The following USP48 variants were observed in gnomAD, a reference collection of about 807,000 sequenced individuals.
USP48 encodes the protein ubiquitin specific peptidase 48.
Under a neutral mutation model 150.7 loss-of-function variants are expected in USP48, and 43 were observed. The ratio of observed to expected loss-of-function variants is 0.29; its 90% CI spans 0.22 to 0.37. USP48 has a LOEUF of 0.37. USP48 is among the 10% of genes least tolerant of loss of function. The pLI is 1.00. For missense variants in USP48, 813 were observed against 1,249.6 expected (o/e 0.65, Z 5.27); for synonymous variants, 396 against 425.9 (o/e 0.93, Z 0.86).
intron 8 of USP48, among the ~76,000 whole-genome samples, chr1:21,736,967 G>A (rs887642945): frequency 3.9e-5 from 6 of 152,056 alleles, no homozygotes; most frequent in Non-Finnish European, 7.3e-5. Flanking sequence ...CCCAAGAATC[G>A]GCTGTTCATA....
rs762691903 is a variant in USP48, at chr1:21,680,873, G to C, written c.3059-39C>G. 3.8e-5 allele frequency: 58 copies of C among 1,519,254 alleles called. No homozygotes were observed. In the South Asian group the frequency reaches 6.6e-4, roughly 17 times the overall value. The allele number at this position is 1,519,254 out of a possible 1,614,324, so 94.1% of individuals were successfully genotyped here. A position where few individuals can be genotyped will look rare whatever the true frequency, so the allele number is the denominator to read the frequency against. ...AAAAAGAAGAATTCCAAATTGAAAA[G>C]ATTGTCGTGACAGACAGTAATATCA... On this transcript the variant is annotated intron_variant, in intron 25 of 26. Transcript: ENST00000308271.
At chr1:21,779,208 CTG>C (rs1407911092) in intron 1 of USP48, among the ~76,000 whole-genome samples, 4 of 151,996 alleles carry the variant, frequency 2.6e-5, no homozygotes, top group African/African-American at 9.7e-5. Flanking sequence ...GCAATACAGT[CTG>C]TGTTACAGAG....
chr1:21,679,559 C>T (rs966902307), intron 26 of USP48, 120 bp from the exon 27 acceptor site: 115 of 1,255,480 alleles, frequency 9.2e-5, no homozygotes, highest in Admixed American at 2.1e-4. Flanking sequence ...TGAACACAGT[C>T]GCACCTTGGT....
chr1:21,733,866 A>G (rs951315099), intron 9 of USP48, among the ~76,000 whole-genome samples: 9 of 151,660 alleles, frequency 5.9e-5, no homozygotes, highest in African/African-American at 2.2e-4. Context: ...ATCATGGCTC[A>G]CTGAAGCCTT....
intron 2 of USP48, 200 bp downstream of exon 2, chr1:21,757,463 T>C (rs2097839653): frequency 6.8e-6 from 3 of 439,382 alleles, no homozygotes; most frequent in Non-Finnish European, 1.2e-5. Context: ...GCTTACTGAA[T>C]TACGCAGCTG....
Position 21,737,474 on chromosome 1 carries a change from G to C in USP48, c.992-849C>G, listed in dbSNP as rs968162340. 3.9e-5 allele frequency among the ~76,000 whole-genome samples: 6 copies of C among 152,092 alleles called. No individual in the cohort carries two copies. In the East Asian group the frequency reaches 1.2e-3, roughly 29 times the overall value. On this transcript the variant is annotated intron_variant, in intron 8 of 26. Transcript: ENST00000308271. ...TTTACACGGTATTCAAAAAGAAAAG[G>C]CTTTATACATACATCAAAATATTGA...
At chr1:21,754,797 ACT>A (rs984040051) in intron 3 of USP48, among the ~76,000 whole-genome samples, 1 of 151,546 alleles carries the variant, frequency 6.6e-6, no homozygotes, top group African/African-American at 2.4e-5. Context: ...CCTCCCGGAC[ACT>A]CTCTCAGGTG....
At chr1:21,738,482 A>C (rs2152564915) in intron 8 of USP48, among the ~76,000 whole-genome samples, 1 of 150,218 alleles carries the variant, frequency 6.7e-6, no homozygotes, top group East Asian at 2.0e-4. Flanking sequence ...TCAACCTCCC[A>C]AGTAGCTGAG....
intron 22 of USP48, among the ~76,000 whole-genome samples, chr1:21,700,707 G>T (rs1169201547): frequency 6.6e-6 from 1 of 152,132 alleles, no homozygotes; most frequent in African/African-American, 2.4e-5. Context: ...CAATGTGGGG[G>T]TCTGACTTTT....
intron 14 of USP48, 62 bp from the exon 15 acceptor site, chr1:21,715,519 GCAGA>G: frequency 2.8e-6 from 3 of 1,073,122 alleles, no homozygotes; most frequent in Non-Finnish European, 4.2e-6. Flanking sequence ...GTTGAAAGTA[GCAGA>G]TATACTACTC....
chr1:21,687,160 C>A, intron 25 of USP48, 31 bp downstream of exon 25: 1 of 1,605,836 alleles, frequency 6.2e-7, no homozygotes, highest in South Asian at 1.1e-5. Context: ...AAAACCTAAT[C>A]AGCAGATTCC....
chr1:21,747,558 T>C (rs115953521), intron 7 of USP48, among the ~76,000 whole-genome samples: 3,102 of 152,114 alleles, frequency 0.02, 42 homozygotes, highest in Middle Eastern at 0.048. Context: ...GTAATTCAAT[T>C]ACTTGCAGTT....
rs1163990635 is a variant in USP48, at chr1:21,719,754, C to T, written c.1894+1282G>A. On this transcript the variant is annotated intron_variant, in intron 14 of 26. Transcript: ENST00000308271. The stretch of plus-strand genomic sequence containing the variant: ...TGGTGGTGTGCACCTGTAATCCCAG[C>T]TACTCGGGAGGCTGAGGCAGGAGAG... 8.5e-5 allele frequency among the ~76,000 whole-genome samples: 13 copies of T among 152,162 alleles called. 1 individual carries two copies. The highest frequency in any genetic ancestry group is 8.5e-4 in the Admixed American group (13 of 15,278).
chr1:21,749,452 C>A (rs2097803444), intron 6 of USP48, among the ~76,000 whole-genome samples: 1 of 152,134 alleles, frequency 6.6e-6, no homozygotes. Flanking sequence ...ACTCCTAATT[C>A]CTCTCAACCC....
At chr1:21,766,301 G>A (rs1022373373) in intron 1 of USP48, among the ~76,000 whole-genome samples, 1 of 152,100 alleles carries the variant, frequency 6.6e-6, no homozygotes, top group Non-Finnish European at 1.5e-5. Context: ...AACCCGGGAG[G>A]CGGAGGTTGC....
At position 21,693,528 on chromosome 1, in the gene USP48, C is replaced by T. The variant is rs143708459; in HGVS notation, c.2883+1538G>A. Among the ~76,000 whole-genome samples the T allele has an allele frequency of 5.9e-5, 9 of 152,276 alleles. No homozygotes were observed. In the East Asian group the frequency reaches 9.6e-4, roughly 16 times the overall value. On this transcript the variant is annotated intron_variant, in intron 23 of 26. Transcript: ENST00000308271. ...CCTCTGGGGGCTGTGTGAACAGCTGCCATCTTCTAGCAGCTCATTCGGGCA... is the reference window on the plus strand; with the variant it reads ...CCTCTGGGGGCTGTGTGAACAGCTGTCATCTTCTAGCAGCTCATTCGGGCA...
intron 8 of USP48, among the ~76,000 whole-genome samples, chr1:21,737,824 C>T (rs1385478400): frequency 6.6e-6 from 1 of 152,010 alleles, no homozygotes; most frequent in Non-Finnish European, 1.5e-5. Context: ...CTTATTTAAA[C>T]TGGTAATGTT....
Position 21,687,180 on chromosome 1 carries a change from T to C in USP48, c.3058+11A>G, listed in dbSNP as rs755679783. 1.4e-5 allele frequency: 23 copies of C among 1,611,770 alleles called. No homozygotes were observed. The highest frequency in any genetic ancestry group is 2.0e-5 in the Non-Finnish European group (23 of 1,178,700). ...CTAATCAGCAGATTCCTAAAACAAA[T>C]TCATCTTTACCTTGCATGACATCAT... is the stretch of plus-strand genomic sequence containing the variant. On this transcript the variant is annotated intron_variant, in intron 25 of 26. Transcript: ENST00000308271.
At position 21,687,191 on chromosome 1, in the gene USP48, C is replaced by T; in HGVS notation, c.3058G>A (p.Val1020Ile). Reference sequence around the variant, plus strand: ...ATTCCTAAAACAAATTCATCTTTACCTTGCATGACATCATCCATTGCAGCA... The same window carrying T: ...ATTCCTAAAACAAATTCATCTTTACTTTGCATGACATCATCCATTGCAGCA... ...DYAAMDDVMQ[V>I]CMPEEGFKGT... is the part of the protein sequence containing the mutation. The change falls in exon 25 of 27, where the codon GTT becomes ATT. Residue 1020 changes from valine to isoleucine, a missense_variant and splice_region_variant. Val to Ile is a conservative substitution (Grantham distance 29, BLOSUM62 3). Transcript: ENST00000308271. 6.2e-7 allele frequency: 1 copy of T among 1,612,708 alleles called. No individual in the cohort carries two copies. Among genetic ancestry groups the T allele is most frequent in the Non-Finnish European group, 8.5e-7 (1 of 1,179,152 alleles).
Sources: gnomAD v4.1 joint callset for allele counts (sites outside exome capture counted in the v4.1 genomes callset) on GRCh38, gnomAD v4.1.1 for gene constraint, MANE v1.5 for transcripts, NCBI Gene and HGNC (gene_info 2026-07-23, HGNC 2026-07-21) for gene names.